The following PTPRD variants were observed in gnomAD, a reference collection of about 807,000 sequenced individuals.
PTPRD encodes receptor-type tyrosine-protein phosphatase delta.
In PTPRD, 34 loss-of-function variants were observed where a neutral mutation model predicts 214.5. That is an observed-to-expected ratio of 0.16 (90% confidence interval 0.12 to 0.21). PTPRD has a LOEUF of 0.21. PTPRD is among the 10% of genes least tolerant of loss of function. PTPRD has a pLI of 1.00. For synonymous variants in PTPRD, 1,128 were observed against 845.7 expected (o/e 1.33, Z -5.79); for missense variants, 2,545 against 2,398.7 (o/e 1.06, Z -1.27).
intron 10 of PTPRD, among the ~76,000 whole-genome samples, chr9:9,043,864 A>G (rs976726665): frequency 1.3e-5 from 2 of 151,870 alleles, no homozygotes; most frequent in Non-Finnish European, 2.9e-5. Flanking sequence ...AGATCGCACC[A>G]CTGTACTCCA....
At chr9:9,658,888 G>T (rs2096571602) in intron 7 of PTPRD, among the ~76,000 whole-genome samples, 1 of 152,072 alleles carries the variant, frequency 6.6e-6, no homozygotes, top group African/African-American at 2.4e-5. Flanking sequence ...GCTTACTGAG[G>T]TAATAAGAGT....
chr9:9,592,877 T>A (rs988696449), intron 7 of PTPRD, among the ~76,000 whole-genome samples: 1 of 151,922 alleles, frequency 6.6e-6, no homozygotes, highest in African/African-American at 2.4e-5. Flanking sequence ...AAACCTTGTC[T>A]CTACTAAAAA....
chr9:9,875,060 A>C (rs2066469838), intron 5 of PTPRD, among the ~76,000 whole-genome samples: 1 of 152,150 alleles, frequency 6.6e-6, no homozygotes, highest in African/African-American at 2.4e-5. Context: ...ACAATGGATA[A>C]GTTTTAACCT....
intron 11 of PTPRD, among the ~76,000 whole-genome samples, chr9:8,826,599 A>G (rs1294576928): frequency 6.6e-6 from 1 of 150,926 alleles, no homozygotes; most frequent in East Asian, 1.9e-4. Flanking sequence ...ACTTAAATGT[A>G]CAAGACCAAG....
Position 9,140,420 on chromosome 9 carries a change from T to C in PTPRD, c.-143+42884A>G, listed in dbSNP as rs2099858177. Among the ~76,000 whole-genome samples the C allele has an allele frequency of 2.6e-5, 4 of 152,220 alleles. No individual in the cohort carries two copies. The South Asian group carries it at 8.3e-4, about 32-fold the overall frequency. ...CACCAAATCAAATAGAGAGAAATAC[T>C]AAAGAAGGACAGATATAACCTTTGA... On this transcript the variant is annotated intron_variant, in intron 10 of 45. Coordinates refer to ENST00000381196, the MANE Select transcript of PTPRD (RefSeq NM_002839.4).
chr9:9,035,636 T>C (rs1034649058), intron 10 of PTPRD, among the ~76,000 whole-genome samples: 3 of 152,078 alleles, frequency 2.0e-5, no homozygotes, highest in African/African-American at 7.2e-5. Context: ...CAGGTAAAGT[T>C]AAGATAGACT....
At chr9:9,447,670 G>GA (rs1001366308) in intron 8 of PTPRD, among the ~76,000 whole-genome samples, 10 of 151,842 alleles carry the variant, frequency 6.6e-5, no homozygotes, top group Admixed American at 5.9e-4. Context: ...GAAATTAAAA[G>GA]AAAAAAAATT....
chr9:8,635,569 T>A (rs1241278758), intron 13 of PTPRD, among the ~76,000 whole-genome samples: 1 of 152,158 alleles, frequency 6.6e-6, no homozygotes, highest in Non-Finnish European at 1.5e-5. Flanking sequence ...TTAGGTTCTC[T>A]ATACATTTGA....
At chr9:8,390,871 T>A (rs776933384) in intron 36 of PTPRD, among the ~76,000 whole-genome samples, 5 of 152,046 alleles carry the variant, frequency 3.3e-5, no homozygotes, top group Non-Finnish European at 7.4e-5. Flanking sequence ...AGAAGAGAGG[T>A]TTAGATTTAC....
intron 3 of PTPRD, among the ~76,000 whole-genome samples, chr9:10,136,032 T>C (rs1422848659): frequency 6.7e-6 from 1 of 148,938 alleles, no homozygotes; most frequent in African/African-American, 2.5e-5. Context: ...AGAAAAGAAA[T>C]GGAGAAAGAC....
At chr9:9,515,105 G>C (rs907703126) in intron 8 of PTPRD, among the ~76,000 whole-genome samples, 2 of 152,010 alleles carry the variant, frequency 1.3e-5, no homozygotes, top group Non-Finnish European at 2.9e-5. Flanking sequence ...TAAAATCCTT[G>C]ATTTTCCAGT....
intron 2 of PTPRD, among the ~76,000 whole-genome samples, chr9:10,571,246 G>A (rs144514466): frequency 2.6e-4 from 39 of 152,076 alleles, no homozygotes; most frequent in Admixed American, 6.6e-4. Context: ...CAGTAGATAC[G>A]AAGAAAATTA....
chr9:9,779,595 A>G (rs1018711368), intron 5 of PTPRD, among the ~76,000 whole-genome samples: 2 of 152,226 alleles, frequency 1.3e-5, no homozygotes, highest in African/African-American at 4.8e-5. Context: ...CAAGAAACAT[A>G]TATAAAAAAT....
chr9:8,321,481 G>A (rs1352479317), intron 44 of PTPRD, among the ~76,000 whole-genome samples: 1,688 of 47,904 alleles, frequency 0.035, 40 homozygotes, highest in African/African-American at 0.18. Flanking sequence ...GTGTGTGTGT[G>A]TGTGTGTATA....
chr9:8,787,100 T>C (rs943244046), intron 11 of PTPRD, among the ~76,000 whole-genome samples: 3 of 152,078 alleles, frequency 2.0e-5, no homozygotes, highest in African/African-American at 7.2e-5. Flanking sequence ...CTTCCCAAAG[T>C]GCTAGAATTA....
At chr9:10,105,422 C>T (rs1394288354) in intron 3 of PTPRD, among the ~76,000 whole-genome samples, 1 of 151,834 alleles carries the variant, frequency 6.6e-6, no homozygotes, top group Non-Finnish European at 1.5e-5. Flanking sequence ...AATGTTATTT[C>T]TGCAGTGGCA....
At chr9:9,669,517 C>A (rs1274098116) in intron 7 of PTPRD, among the ~76,000 whole-genome samples, 1 of 152,116 alleles carries the variant, frequency 6.6e-6, no homozygotes. Flanking sequence ...ACATTAAACA[C>A]ATTTTGAAAA....
chr9:8,932,904 G>C (rs139619480), intron 11 of PTPRD, among the ~76,000 whole-genome samples: 2 of 152,166 alleles, frequency 1.3e-5, no homozygotes, highest in African/African-American at 4.8e-5. Flanking sequence ...GGTGTTCCAG[G>C]CACCACTGAG....
In PTPRD at chr9:9,134,058, CTTTTTTTT is replaced by C. The variant is rs928663989; in HGVS notation, c.-143+49238_-143+49245del. Reference sequence around the variant, plus strand: ...TTCCAATAGTTCATATAGAATCATTCTTTTTTTTTTTTTTTTTTTTTTTTTGAGACGGA... The same window carrying C: ...TTCCAATAGTTCATATAGAATCATTCTTTTTTTTTTTTTTTTTGAGACGGA... On this transcript the variant is annotated intron_variant, in intron 10 of 45. Coordinates refer to ENST00000381196, the MANE Select transcript of PTPRD (RefSeq NM_002839.4). 4.0e-5 allele frequency among the ~76,000 whole-genome samples: 3 copies of C among 75,444 alleles called. 1 individual carries two copies. The highest frequency in any genetic ancestry group is 5.8e-4 in the South Asian group (1 of 1,710). The allele number at this position is 75,444 out of a possible 152,430, so 49.5% of individuals were successfully genotyped here.
Sources: allele counts gnomAD v4.1 joint callset (sites outside exome capture counted in the v4.1 genomes callset), GRCh38; gene constraint gnomAD v4.1.1; transcripts MANE v1.5; gene names NCBI Gene and HGNC (gene_info 2026-07-23, HGNC 2026-07-21).